The following ZRANB3 variants were observed in gnomAD, a reference collection of about 807,000 sequenced individuals.
The protein encoded by ZRANB3 is DNA annealing helicase and endonuclease ZRANB3.
A neutral mutation model predicts 133.8 loss-of-function variants in ZRANB3; 125 were observed. The observed-to-expected ratio is 0.93, with a 90% confidence interval of 0.81 to 1.08. The LOEUF (loss-of-function observed/expected upper bound fraction) is 1.08. Ranked by LOEUF, ZRANB3 falls within the 50% of genes least tolerant of loss-of-function variation. ZRANB3 has a pLI of 0.00. For missense variants in ZRANB3, 1,229 were observed against 1,275.5 expected, an observed-to-expected ratio of 0.96 and a Z score of 0.56; for synonymous variants, 387 against 432.7, an observed-to-expected ratio of 0.89 and a Z score of 1.31.
rs557820300 is a variant in ZRANB3 at position 135,488,666 on chromosome 2, C to T, written c.161+15663G>A. Reference sequence around the variant, plus strand: ...ATATGCAAAGCACAATTTGTAAAAACCACATATATGCAAAGCACAATATAT... The same window carrying T: ...ATATGCAAAGCACAATTTGTAAAAATCACATATATGCAAAGCACAATATAT... On this transcript the variant is annotated intron_variant, in intron 2 of 20. Coordinates refer to ENST00000264159, the MANE Select transcript of ZRANB3 (RefSeq NM_032143.4). Among the ~76,000 whole-genome samples the T allele has an allele frequency of 2.7e-5, 4 of 150,862 alleles. No homozygotes were observed. In the East Asian group the frequency reaches 5.9e-4, roughly 22 times the overall value.
intron 2 of ZRANB3, among the ~76,000 whole-genome samples, chr2:135,481,117 T>C (rs1176711788): frequency 6.6e-6 from 1 of 151,900 alleles, no homozygotes; most frequent in African/African-American, 2.4e-5. Context: ...TATAGTCCTT[T>C]GGGTATATAC....
chr2:135,415,708 A>G (rs1386758795), intron 2 of ZRANB3, among the ~76,000 whole-genome samples: 6 of 152,232 alleles, frequency 3.9e-5, no homozygotes, highest in Non-Finnish European at 5.9e-5. Flanking sequence ...AGAATCCTCA[A>G]TAAAATACTG....
chr2:135,513,952 G>A (rs543392418), intron 1 of ZRANB3, among the ~76,000 whole-genome samples: 6 of 152,290 alleles, frequency 3.9e-5, no homozygotes, highest in African/African-American at 1.4e-4. Context: ...TTGTAGATGT[G>A]TAGTGTTATT....
At chr2:135,312,118 TTTTTATTTTATTTTATTATTTTA>T (rs1683008443) in intron 8 of ZRANB3, among the ~76,000 whole-genome samples, 2 of 145,902 alleles carry the variant, frequency 1.4e-5, no homozygotes, top group Admixed American at 7.0e-5. Flanking sequence ...TGTATTTATT[TTTTTATTTTATTTTATTATTTTA>T]TTTTATTTTA....
intron 12 of ZRANB3, among the ~76,000 whole-genome samples, chr2:135,248,394 C>T (rs1207843098): frequency 6.6e-6 from 1 of 152,188 alleles, no homozygotes; most frequent in Non-Finnish European, 1.5e-5. Context: ...CTCATGACAA[C>T]ACCAAAGGCA....
In ZRANB3 at chr2:135,452,968, C is replaced by T. The variant is rs906126198; in HGVS notation, c.161+51361G>A. Among the ~76,000 whole-genome samples, 20 of 152,390 alleles carry T rather than the reference C, an allele frequency of 1.3e-4. 1 individual carries two copies. The highest frequency in any genetic ancestry group is 2.4e-4 in the Non-Finnish European group (16 of 68,040). ...GCTCCGACCCAACATTTCCCTTCCACACTGCCCTAACAGAGGTTCTGCATG... is the reference window on the plus strand; with the variant it reads ...GCTCCGACCCAACATTTCCCTTCCATACTGCCCTAACAGAGGTTCTGCATG... On this transcript the variant is annotated intron_variant, in intron 2 of 20. Coordinates refer to ENST00000264159, the MANE Select transcript of ZRANB3 (RefSeq NM_032143.4).
intron 2 of ZRANB3, among the ~76,000 whole-genome samples, chr2:135,489,202 T>C (rs1692264042): frequency 6.6e-6 from 1 of 150,458 alleles, no homozygotes; most frequent in South Asian, 2.1e-4. Context: ...AAAACAGTTA[T>C]GAAGCAGATG....
At position 135,230,022 on chromosome 2, in the gene ZRANB3, G is replaced by A. The variant is rs1286656796; in HGVS notation, c.1954+491C>T. On this transcript the variant is annotated intron_variant, in intron 13 of 20. Transcript: ENST00000264159. ...CACAAATGAAGATTGATCCATAGAGGAGTTTTGATGCTTTGACAAGCAAAA... is the reference window on the plus strand; with the variant it reads ...CACAAATGAAGATTGATCCATAGAGAAGTTTTGATGCTTTGACAAGCAAAA... 3.3e-5 allele frequency among the ~76,000 whole-genome samples: 5 copies of A among 152,180 alleles called. No homozygotes were observed. In the East Asian group the frequency reaches 7.7e-4, roughly 24 times the overall value.
At chr2:135,385,186 A>T (rs1686908722) in intron 3 of ZRANB3, among the ~76,000 whole-genome samples, 1 of 152,202 alleles carries the variant, frequency 6.6e-6, no homozygotes, top group Non-Finnish European at 1.5e-5. Context: ...AAGCATTCTT[A>T]TACACCAATA....
At chr2:135,430,070 G>T (rs1689252146) in intron 2 of ZRANB3, among the ~76,000 whole-genome samples, 1 of 151,922 alleles carries the variant, frequency 6.6e-6, no homozygotes, top group African/African-American at 2.4e-5. Flanking sequence ...CAGCTACTTG[G>T]GCGGCTGGGG....
chr2:135,338,581 A>G (rs934171047), intron 6 of ZRANB3, among the ~76,000 whole-genome samples: 12 of 152,252 alleles, frequency 7.9e-5, no homozygotes, highest in Admixed American at 2.0e-4. Flanking sequence ...TGTGTTTTAC[A>G]CATATACATT....
intron 3 of ZRANB3, among the ~76,000 whole-genome samples, chr2:135,378,762 C>A (rs963898483): frequency 4.6e-5 from 7 of 152,042 alleles, no homozygotes; most frequent in African/African-American, 1.7e-4. Flanking sequence ...AACATATTCC[C>A]CAAGTATAAC....
intron 2 of ZRANB3, among the ~76,000 whole-genome samples, chr2:135,414,643 G>C (rs1224247463): frequency 6.6e-6 from 1 of 152,096 alleles, no homozygotes; most frequent in African/African-American, 2.4e-5. Flanking sequence ...CAAATCAACA[G>C]AATATACATT....
chr2:135,340,385 C>T (rs1047543394), intron 6 of ZRANB3, among the ~76,000 whole-genome samples: 5 of 152,038 alleles, frequency 3.3e-5, no homozygotes, highest in Non-Finnish European at 4.4e-5. Flanking sequence ...GGATTACAGG[C>T]GTTAGCTACT....
In ZRANB3 at chr2:135,235,351, G is replaced by A. The variant is rs1274047556; in HGVS notation, c.1540-4424C>T. On this transcript the variant is annotated intron_variant, in intron 12 of 20. Transcript: ENST00000264159. Reference sequence around the variant, plus strand: ...AGATGGATTCACAGCCAAATTCTACGAGAGGTACAAGGAAGAGCTGGTACC... The same window carrying A: ...AGATGGATTCACAGCCAAATTCTACAAGAGGTACAAGGAAGAGCTGGTACC... Among the ~76,000 whole-genome samples the A allele has an allele frequency of 3.3e-5, 5 of 152,184 alleles. No homozygotes were observed. In the South Asian group the frequency reaches 6.2e-4, roughly 19 times the overall value.
chr2:135,207,532 T>C lies in ZRANB3; in HGVS notation c.2911A>G (p.Asn971Asp). Residue 971 changes from asparagine to aspartate, a missense_variant, in exon 19 of 21, where the codon AAC becomes GAC. By Grantham distance (23) the Asn-to-Asp change is conservative. Coordinates refer to ENST00000264159, the MANE Select transcript of ZRANB3 (RefSeq NM_032143.4). ...AGACGTAAAAAGAGTTCTTGTGCGT[T>C]CACATTACAGAGCTGACACACACCA... ...EHGVCQLCNV[N>D]AQELFLRLRD... 6.2e-7 allele frequency: 1 copy of C among 1,614,054 alleles called. No individual in the cohort carries two copies. The highest frequency in any genetic ancestry group is 8.5e-7 in the Non-Finnish European group (1 of 1,179,908).
chr2:135,508,129 T>G lies in ZRANB3; in HGVS notation c.-7-3633A>C, dbSNP rs184291626. 2.9e-3 allele frequency among the ~76,000 whole-genome samples: 445 copies of G among 152,132 alleles called. 2 individuals are homozygous for G. The highest frequency in any genetic ancestry group is 0.015 in the South Asian group (70 of 4,820). On this transcript the variant is annotated intron_variant, in intron 1 of 20. Transcript: ENST00000264159. Reference sequence around the variant, plus strand: ...AGGACTGACTCAGGCACAATATTTGTTTTTTGTTTTTTGTTTTTTTTCTTT... The same window carrying G: ...AGGACTGACTCAGGCACAATATTTGGTTTTTGTTTTTTGTTTTTTTTCTTT...
At chr2:135,518,218 A>C (rs1453641969) in intron 1 of ZRANB3, among the ~76,000 whole-genome samples, 1 of 151,998 alleles carries the variant, frequency 6.6e-6, no homozygotes, top group African/African-American at 2.4e-5. Context: ...GGATCTGCTG[A>C]GGTAGAACAC....
At chr2:135,333,876 T>G (rs1332426521) in intron 6 of ZRANB3, among the ~76,000 whole-genome samples, 1 of 152,222 alleles carries the variant, frequency 6.6e-6, no homozygotes, top group Non-Finnish European at 1.5e-5. Context: ...TACTGAACTG[T>G]ACATTTAAAA....
Sources: gnomAD v4.1 joint callset for allele counts (sites outside exome capture counted in the v4.1 genomes callset) on GRCh38, gnomAD v4.1.1 for gene constraint, MANE v1.5 for transcripts, NCBI Gene and HGNC (gene_info 2026-07-23, HGNC 2026-07-21) for gene names.